Variants in TENM2 observed in about 807,000 individuals in gnomAD.
TENM2 encodes the protein teneurin transmembrane protein 2.
Under a neutral mutation model 245.2 loss-of-function variants are expected in TENM2, and 52 were observed. The ratio of observed to expected loss-of-function variants is 0.21; its 90% CI spans 0.17 to 0.27. The LOEUF (loss-of-function observed/expected upper bound fraction) is 0.27, where lower values mean the gene tolerates loss of function less well. Among genes scored for constraint, TENM2 ranks in the 10% least tolerant of loss-of-function variants. TENM2 has a pLI of 1.00. For synonymous variants in TENM2, 1,363 were observed against 1,438.9 expected, an observed-to-expected ratio of 0.95 and a Z score of 1.19; for missense variants, 3,046 against 3,666.8, an observed-to-expected ratio of 0.83 and a Z score of 4.37.
intron 1 of TENM2, chr5:167,296,560 G>A (rs1041083067): frequency 6.6e-6 from 1 of 151,800 alleles, no homozygotes; most frequent in African/African-American, 2.4e-5. Flanking sequence ...AAGAAAAAAA[G>A]AAAGAAAGAA....
At chr5:167,891,941 C>G (rs908682640) in intron 3 of TENM2, among the ~76,000 whole-genome samples, 6 of 152,158 alleles carry the variant, frequency 3.9e-5, no homozygotes, top group Non-Finnish European at 8.8e-5. Flanking sequence ...ACTTCCTGGA[C>G]TTGATTGAGT....
intron 28 of TENM2, among the ~76,000 whole-genome samples, chr5:168,260,850 T>C (rs2152722409): frequency 6.6e-6 from 1 of 152,312 alleles, no homozygotes. Context: ...GCCAAGCATA[T>C]ACAGATTGAG....
intron 5 of TENM2, among the ~76,000 whole-genome samples, chr5:168,004,113 T>A (rs1305290460): frequency 6.6e-6 from 1 of 152,228 alleles, no homozygotes; most frequent in Non-Finnish European, 1.5e-5. Flanking sequence ...GTTGGAATGA[T>A]CCTTGAAGCC....
intron 2 of TENM2, among the ~76,000 whole-genome samples, chr5:167,416,305 T>G (rs149775127): frequency 6.6e-6 from 1 of 152,188 alleles, no homozygotes; most frequent in Non-Finnish European, 1.5e-5. Context: ...TTGGGTAAGA[T>G]AAAAGTAAAT....
intron 2 of TENM2, among the ~76,000 whole-genome samples, chr5:167,812,773 T>C (rs1369718664): frequency 6.6e-6 from 1 of 152,160 alleles, no homozygotes; most frequent in Non-Finnish European, 1.5e-5. Context: ...AATGCCTATC[T>C]TTGATGGCCA....
intron 7 of TENM2, among the ~76,000 whole-genome samples, chr5:168,086,919 G>T (rs1792508288): frequency 6.6e-6 from 1 of 152,168 alleles, no homozygotes; most frequent in African/African-American, 2.4e-5. Context: ...AGCTGGCCAG[G>T]CTACAGCTTA....
chr5:167,451,709 C>A (rs1285356091), intron 2 of TENM2, among the ~76,000 whole-genome samples: 2 of 151,502 alleles, frequency 1.3e-5, no homozygotes, highest in South Asian at 4.2e-4. Context: ...AGTGCAGTGG[C>A]GCGACCTGGG....
the TENM2 span, among the ~76,000 whole-genome samples, chr5:167,107,091 C>CAAAAAAAAA: frequency 4.4e-5 from 3 of 68,900 alleles, no homozygotes; most frequent in Non-Finnish European, 7.5e-5. Context: ...CTAAAAAATA[C>CAAAAAAAAA]AAAAAAAAAA....
intron 2 of TENM2, among the ~76,000 whole-genome samples, chr5:167,396,552 A>C (rs1231722494): frequency 6.6e-6 from 1 of 152,156 alleles, no homozygotes; most frequent in African/African-American, 2.4e-5. Context: ...ATGGCAAGAG[A>C]TGCAAAGCTG....
intron 3 of TENM2, among the ~76,000 whole-genome samples, chr5:167,916,387 T>A (rs1776937656): frequency 6.6e-6 from 1 of 152,052 alleles, no homozygotes; most frequent in Non-Finnish European, 1.5e-5. Flanking sequence ...ACTTGGTTGG[T>A]GAAAAATTTA....
chr5:167,301,779 T>C (rs1414375269), intron 1 of TENM2, among the ~76,000 whole-genome samples: 1 of 152,094 alleles, frequency 6.6e-6, no homozygotes, highest in Non-Finnish European at 1.5e-5. Flanking sequence ...AAAAGGAGCA[T>C]TAACCTTGAC....
At chr5:167,787,549 A>G (rs751596619) in intron 2 of TENM2, among the ~76,000 whole-genome samples, 5 of 152,164 alleles carry the variant, frequency 3.3e-5, no homozygotes, top group Non-Finnish European at 5.9e-5. Flanking sequence ...CCCACCTGGA[A>G]GCTCCTGGCA....
chr5:167,299,137 C>G (rs1755151173), intron 1 of TENM2, among the ~76,000 whole-genome samples: 1 of 152,114 alleles, frequency 6.6e-6, no homozygotes, highest in Non-Finnish European at 1.5e-5. Flanking sequence ...TTTAAAGGAC[C>G]TTTAGTCCGT....
At chr5:167,646,006 T>A (rs1349380162) in intron 2 of TENM2, among the ~76,000 whole-genome samples, 10 of 151,570 alleles carry the variant, frequency 6.6e-5, no homozygotes, top group East Asian at 3.9e-4. Context: ...GTCCCCAGAT[T>A]GCTGTCACAG....
At chr5:167,795,854 C>T (rs892253270) in intron 2 of TENM2, among the ~76,000 whole-genome samples, 1 of 152,024 alleles carries the variant, frequency 6.6e-6, no homozygotes, top group African/African-American at 2.4e-5. Context: ...GAGAAGACTT[C>T]GAGGCAATGT....
intron 5 of TENM2, among the ~76,000 whole-genome samples, chr5:168,035,655 C>A (rs1179952508): frequency 3.3e-5 from 5 of 152,132 alleles, no homozygotes; most frequent in Admixed American, 3.3e-4. Context: ...ACAATTCTTT[C>A]TGACAGATCT....
the TENM2 span, among the ~76,000 whole-genome samples, chr5:167,276,188 A>C: frequency 6.6e-6 from 1 of 151,570 alleles, no homozygotes; most frequent in South Asian, 2.1e-4. Context: ...TTCTTTTTGT[A>C]CTATCTTTGT....
Position 167,658,210 on chromosome 5 carries a change from C to CTT in TENM2, c.503-217761_503-217760dup, listed in dbSNP as rs147052272. ...AGAAAGGCCAAATGCTGTGCGAAGC[C>CTT]TTTTTTTTTTTTTTTTAAGACCGAG... On this transcript the variant is annotated intron_variant, in intron 2 of 28. Transcript: ENST00000518659. Among the ~76,000 whole-genome samples, 103 of 139,636 alleles carry CTT rather than the reference C, an allele frequency of 7.4e-4. 1 individual carries two copies. The highest frequency in any genetic ancestry group is 2.0e-3 in the African/African-American group (78 of 38,144). 91.6% of individuals were successfully genotyped at this position (139,636 alleles called of 152,430 possible).
At chr5:167,480,973 C>G (rs944765359) in intron 2 of TENM2, among the ~76,000 whole-genome samples, 28 of 152,298 alleles carry the variant, frequency 1.8e-4, no homozygotes, top group African/African-American at 6.5e-4. Flanking sequence ...ATTCATAGGT[C>G]TGAAAGATAC....
Sources: gnomAD v4.1 joint callset for allele counts (sites outside exome capture counted in the v4.1 genomes callset) on GRCh38, gnomAD v4.1.1 for gene constraint, MANE v1.5 for transcripts, NCBI Gene and HGNC (gene_info 2026-07-23, HGNC 2026-07-21) for gene names.